HORMAD2: variants seen among roughly 807,000 people sequenced by gnomAD.
The protein encoded by HORMAD2 is HORMA domain-containing protein 2.
Under a neutral mutation model 38.8 loss-of-function variants are expected in HORMAD2, and 45 were observed. The ratio of observed to expected loss-of-function variants is 1.16; its 90% confidence interval spans 0.91 to 1.49. HORMAD2 has a LOEUF of 1.49. HORMAD2 is among the 40% of genes most tolerant of loss of function. The pLI is 0.00. For missense variants in HORMAD2, 338 were observed against 367.0 expected (o/e 0.92, Z 0.65); for synonymous variants, 126 against 122.8 (o/e 1.03, Z -0.17).
At chr22:30,152,913 T>C (rs183312910) in intron 10 of HORMAD2, among the ~76,000 whole-genome samples, 1 of 152,286 alleles carries the variant, frequency 6.6e-6, no homozygotes, top group African/African-American at 2.4e-5. Flanking sequence ...TGTGTTATCT[T>C]GAGCCCTGAT....
intron 10 of HORMAD2, among the ~76,000 whole-genome samples, chr22:30,155,075 T>C (rs1924980720): frequency 6.8e-6 from 1 of 148,008 alleles, no homozygotes; most frequent in South Asian, 2.1e-4. Context: ...CTTGCTTTTT[T>C]TAAAAAAAAA....
At chr22:30,139,052 C>T (rs1430634939) in intron 10 of HORMAD2, among the ~76,000 whole-genome samples, 1 of 151,448 alleles carries the variant, frequency 6.6e-6, no homozygotes, top group Non-Finnish European at 1.5e-5. Context: ...GGGAATGCTC[C>T]AGCAGATTGC....
intron 7 of HORMAD2, among the ~76,000 whole-genome samples, chr22:30,118,031 A>G (rs767913283): frequency 5.9e-5 from 9 of 152,144 alleles, no homozygotes; most frequent in Non-Finnish European, 8.8e-5. Flanking sequence ...GAATTACTGC[A>G]GTAGACTCTT....
At chr22:30,171,037 A>G (rs1926078907) in intron 10 of HORMAD2, among the ~76,000 whole-genome samples, 2 of 152,072 alleles carry the variant, frequency 1.3e-5, no homozygotes. Flanking sequence ...CTTTCTCAAC[A>G]TGACAGTCTG....
At chr22:30,122,722 G>C (rs1469619959) in intron 10 of HORMAD2, among the ~76,000 whole-genome samples, 1 of 152,158 alleles carries the variant, frequency 6.6e-6, no homozygotes, top group African/African-American at 2.4e-5. Context: ...AAGTCAGGGG[G>C]TTGGTGGGGT....
downstream of HORMAD2, among the ~76,000 whole-genome samples, chr22:30,181,706 C>T (rs1005105211): frequency 2.0e-5 from 3 of 152,176 alleles, no homozygotes; most frequent in Admixed American, 6.5e-5. Context: ...TGTTCCAAAG[C>T]GTAGAACATA....
chr22:30,124,052 TTAAA>T (rs1164135480), intron 10 of HORMAD2, among the ~76,000 whole-genome samples: 1 of 151,964 alleles, frequency 6.6e-6, no homozygotes, highest in Admixed American at 6.6e-5. Context: ...AACTAATAGA[TTAAA>T]TAAGAAATGT....
intron 7 of HORMAD2, among the ~76,000 whole-genome samples, chr22:30,116,363 G>A (rs1290559515): frequency 6.6e-6 from 1 of 152,148 alleles, no homozygotes; most frequent in African/African-American, 2.4e-5. Flanking sequence ...GACATGGTCT[G>A]ATTTGTATTT....
downstream of HORMAD2, among the ~76,000 whole-genome samples, chr22:30,180,758 T>C (rs1644337041): frequency 6.6e-6 from 1 of 151,828 alleles, no homozygotes; most frequent in Non-Finnish European, 1.5e-5. Context: ...ATTCCTTCTT[T>C]CTTCCCCTTC....
At chr22:30,129,217 C>CAAAAAAAAAA (rs750796623) in intron 10 of HORMAD2, among the ~76,000 whole-genome samples, 7 of 22,638 alleles carry the variant, frequency 3.1e-4, no homozygotes, top group East Asian at 4.0e-3. Flanking sequence ...GACTCTATCT[C>CAAAAAAAAAA]AAAAAAAAAA....
chr22:30,127,202 T>C (rs1332654616), intron 10 of HORMAD2, among the ~76,000 whole-genome samples: 1 of 65,880 alleles, frequency 1.5e-5, no homozygotes, highest in Non-Finnish European at 3.1e-5. Context: ...AGAAGTTCTT[T>C]TTTTTTTTTT....
chr22:30,157,156 A>G (rs966117532), intron 10 of HORMAD2, among the ~76,000 whole-genome samples: 3 of 152,156 alleles, frequency 2.0e-5, no homozygotes, highest in Non-Finnish European at 2.9e-5. Context: ...ATGAAAGGGA[A>G]AACAGCCTCT....
chr22:30,079,830 C>T (rs1464272800), upstream of HORMAD2, among the ~76,000 whole-genome samples: 1 of 152,182 alleles, frequency 6.6e-6, no homozygotes, highest in Non-Finnish European at 1.5e-5. Context: ...CAGGCGCGCG[C>T]CACCACGCCC....
chr22:30,200,208 T>C, the HORMAD2 span, among the ~76,000 whole-genome samples: 27 of 151,950 alleles, frequency 1.8e-4, no homozygotes, highest in Non-Finnish European at 2.6e-4. Context: ...TCAGCCACCA[T>C]GCCCAGTCAT....
chr22:30,103,371 G>A (rs1481194782), intron 3 of HORMAD2, 66 bp from the exon 4 acceptor site: 3 of 865,552 alleles, frequency 3.5e-6, no homozygotes, highest in Admixed American at 2.0e-5. Flanking sequence ...ACCCTATTTA[G>A]CATGGACAAT....
the HORMAD2 span, among the ~76,000 whole-genome samples, chr22:30,191,515 G>T: frequency 1.3e-5 from 2 of 152,066 alleles, no homozygotes; most frequent in African/African-American, 4.8e-5. Flanking sequence ...CAGTTGGGAG[G>T]AATTAGAGTC....
At chr22:30,193,519 C>T in the HORMAD2 span, among the ~76,000 whole-genome samples, 1 of 152,162 alleles carries the variant, frequency 6.6e-6, no homozygotes, top group Admixed American at 6.5e-5. Context: ...ACCTGCATTT[C>T]ATGAAGTGGT....
intron 5 of HORMAD2, among the ~76,000 whole-genome samples, chr22:30,104,788 G>C (rs1169289878): frequency 2.0e-5 from 3 of 152,076 alleles, no homozygotes; most frequent in Admixed American, 2.0e-4. Flanking sequence ...AGATATGAAA[G>C]GAAAAAATTG....
intron 7 of HORMAD2, among the ~76,000 whole-genome samples, chr22:30,117,012 AC>A (rs1277460327): frequency 1.1e-4 from 16 of 152,246 alleles, no homozygotes; most frequent in Admixed American, 7.2e-4. Flanking sequence ...TATTGTATTT[AC>A]AAAGCAGTTT....
Sources: gnomAD v4.1 joint callset for allele counts (sites outside exome capture counted in the v4.1 genomes callset) on GRCh38, gnomAD v4.1.1 for gene constraint, MANE v1.5 for transcripts, NCBI Gene and HGNC (gene_info 2026-07-23, HGNC 2026-07-21) for gene names.